SHISA9: variants seen among roughly 807,000 people sequenced by gnomAD.
SHISA9 encodes protein shisa-9.
SHISA9 carries 13 observed loss-of-function variants against 38.0 expected under a neutral mutation model. The ratio of observed to expected loss-of-function variants is 0.34; its 90% CI spans 0.22 to 0.54. SHISA9 has a LOEUF of 0.54. Ranked by LOEUF, SHISA9 falls within the 20% of genes least tolerant of loss-of-function variation. The probability of loss-of-function intolerance (pLI) is 0.91; values close to 1 mark genes in which losing one functional copy is unlikely to be tolerated. For missense variants in SHISA9, 538 were observed against 575.8 expected, an observed-to-expected ratio of 0.93 and a Z score of 0.67; for synonymous variants, 275 against 242.0, an observed-to-expected ratio of 1.14 and a Z score of -1.27.
At chr16:13,162,077 G>C (rs978887309) in intron 2 of SHISA9, among the ~76,000 whole-genome samples, 1 of 152,162 alleles carries the variant, frequency 6.6e-6, no homozygotes, top group African/African-American at 2.4e-5. Flanking sequence ...GACCTAGGAT[G>C]TGGCTATTAA....
intron 2 of SHISA9, among the ~76,000 whole-genome samples, chr16:13,067,937 G>A (rs531883332): frequency 3.9e-5 from 6 of 152,294 alleles, no homozygotes; most frequent in African/African-American, 9.6e-5. Context: ...CCCGGACACC[G>A]GCATTAATGC....
chr16:13,390,144 C>A, the SHISA9 span, among the ~76,000 whole-genome samples: 2 of 150,190 alleles, frequency 1.3e-5, no homozygotes, highest in African/African-American at 4.9e-5. Flanking sequence ...TTTTCTGTAA[C>A]TGAGCCAAAA....
the SHISA9 span, among the ~76,000 whole-genome samples, chr16:13,298,805 C>T: frequency 6.6e-6 from 1 of 152,200 alleles, no homozygotes; most frequent in Non-Finnish European, 1.5e-5. Context: ...ACTTCACTCT[C>T]ACACATCCTG....
intron 2 of SHISA9, among the ~76,000 whole-genome samples, chr16:13,194,559 C>G (rs930422132): frequency 3.9e-5 from 6 of 152,140 alleles, no homozygotes; most frequent in African/African-American, 1.4e-4. Context: ...TACCTCATAA[C>G]CCCTTTATGT....
the SHISA9 span, among the ~76,000 whole-genome samples, chr16:13,550,948 C>T: frequency 4.1e-3 from 617 of 152,130 alleles, 3 homozygotes; most frequent in African/African-American, 0.014. Flanking sequence ...ACAGTGAAAC[C>T]GCATCTCTAC....
chr16:13,234,663 C>G (rs16961475), intron 4 of SHISA9, among the ~76,000 whole-genome samples: 6,485 of 152,264 alleles, frequency 0.043, 157 homozygotes, highest in East Asian at 0.072. Flanking sequence ...CATGTTCACT[C>G]TTTTCTCTAA....
chr16:13,357,396 G>A, the SHISA9 span, among the ~76,000 whole-genome samples: 1 of 152,106 alleles, frequency 6.6e-6, no homozygotes, highest in Non-Finnish European at 1.5e-5. Context: ...AGTGAGGGAG[G>A]TTGGAGAAGA....
the SHISA9 span, among the ~76,000 whole-genome samples, chr16:13,394,340 A>G: frequency 6.6e-6 from 1 of 152,208 alleles, no homozygotes; most frequent in African/African-American, 2.4e-5. Flanking sequence ...GGTCTTTGCT[A>G]TGCAGAATTA....
the SHISA9 span, among the ~76,000 whole-genome samples, chr16:13,257,297 A>T: frequency 1.3e-5 from 2 of 152,194 alleles, no homozygotes; most frequent in African/African-American, 2.4e-5. Context: ...GAATGCAATT[A>T]AGCTGATCAA....
At chr16:12,970,400 T>C (rs867261595) in intron 2 of SHISA9, among the ~76,000 whole-genome samples, 12 of 5,114 alleles carry the variant, frequency 2.3e-3, no homozygotes, top group African/African-American at 6.0e-3. Context: ...TATATATATA[T>C]ATACATATAT....
At chr16:13,011,543 T>TTGGA (rs2072675147) in intron 2 of SHISA9, among the ~76,000 whole-genome samples, 1 of 151,844 alleles carries the variant, frequency 6.6e-6, no homozygotes. Context: ...TTTTTTGGAG[T>TTGGA]TGGAGTCTTG....
chr16:13,469,420 A>AGAAAGAAG, the SHISA9 span, among the ~76,000 whole-genome samples: 13 of 114,230 alleles, frequency 1.1e-4, no homozygotes, highest in Non-Finnish European at 1.6e-4. Context: ...AAAGAAAGAA[A>AGAAAGAAG]GAAAAAGAAA....
chr16:13,271,969 C>T, the SHISA9 span, among the ~76,000 whole-genome samples: 1 of 151,862 alleles, frequency 6.6e-6, no homozygotes, highest in Non-Finnish European at 1.5e-5. Context: ...ATCCCAGCTA[C>T]TTCGGAAGCT....
the SHISA9 span, among the ~76,000 whole-genome samples, chr16:13,347,561 A>C: frequency 6.6e-6 from 1 of 152,186 alleles, no homozygotes; most frequent in Non-Finnish European, 1.5e-5. Flanking sequence ...GACTTCTTTC[A>C]AAAGAGCACT....
chr16:13,461,659 G>C, the SHISA9 span, among the ~76,000 whole-genome samples: 1 of 139,970 alleles, frequency 7.1e-6, no homozygotes, highest in South Asian at 2.3e-4. Flanking sequence ...TGTCACCCAG[G>C]CTAGAGTGCA....
the SHISA9 span, among the ~76,000 whole-genome samples, chr16:13,477,292 G>A: frequency 1.3e-5 from 2 of 152,154 alleles, no homozygotes; most frequent in Non-Finnish European, 2.9e-5. Context: ...TGGGTCACAT[G>A]GGAAGGTACC....
the SHISA9 span, among the ~76,000 whole-genome samples, chr16:13,439,293 T>A: frequency 1.3e-5 from 2 of 152,148 alleles, no homozygotes; most frequent in Non-Finnish European, 2.9e-5. Flanking sequence ...ATGTTCCCAG[T>A]CTCTAAGGTA....
the SHISA9 span, among the ~76,000 whole-genome samples, chr16:13,519,099 A>C: frequency 2.0e-5 from 3 of 152,238 alleles, no homozygotes; most frequent in African/African-American, 4.8e-5. Context: ...TTTATCACAA[A>C]AAAGAGAAAG....
chr16:13,053,759 C>T (rs933825711), intron 2 of SHISA9, among the ~76,000 whole-genome samples: 3 of 152,176 alleles, frequency 2.0e-5, no homozygotes, highest in Non-Finnish European at 2.9e-5. Context: ...TCATATGGGA[C>T]GTGGCTTCCT....
Sources: allele counts gnomAD v4.1 joint callset (sites outside exome capture counted in the v4.1 genomes callset), GRCh38; gene constraint gnomAD v4.1.1; transcripts MANE v1.5; gene names NCBI Gene and HGNC (gene_info 2026-07-23, HGNC 2026-07-21).